The following RGS3 variants were observed in gnomAD, a reference collection of about 807,000 sequenced individuals.
RGS3 encodes the protein regulator of G-protein signalling 3.
RGS3 carries 80 observed loss-of-function variants against 132.6 expected under a neutral mutation model. The observed-to-expected ratio is 0.60, with a 90% CI of 0.50 to 0.73. The LOEUF (loss-of-function observed/expected upper bound fraction) is 0.73, where lower values mean the gene tolerates loss of function less well. Ranked by LOEUF, RGS3 falls within the 30% of genes least tolerant of loss-of-function variation. The pLI is 0.00. For synonymous variants in RGS3, 598 were observed against 620.6 expected (o/e 0.96, Z 0.54); for missense variants, 1,382 against 1,530.8 (o/e 0.90, Z 1.62).
chr9:113,572,497 G>A (rs4979257), intron 19 of RGS3, among the ~76,000 whole-genome samples: 124,789 of 151,904 alleles, frequency 0.82, 51,452 homozygotes, highest in East Asian at 1. Flanking sequence ...CAGTGTCCTC[G>A]AGTGAAAAAG....
chr9:113,564,051 C>G (rs967589973), intron 19 of RGS3, among the ~76,000 whole-genome samples: 1 of 152,178 alleles, frequency 6.6e-6, no homozygotes, highest in Non-Finnish European at 1.5e-5. Context: ...CCAACTTGGG[C>G]CTCAGGGACA....
chr9:113,514,573 G>A (rs1831558871), exon 15 of RGS3: 1 of 1,614,168 alleles, frequency 6.2e-7, no homozygotes, highest in Non-Finnish European at 8.5e-7. Flanking sequence ...GCCCGGTTGT[G>A]AGGCCGCATG....
chr9:113,506,340 G>T lies in RGS3; in HGVS notation c.980-48G>T, dbSNP rs761534075. The stretch of plus-strand genomic sequence containing the variant: ...CAAAGGACTCCAGATCCTTTGAAGG[G>T]GTCTTAGGCTTCAGGGGCCCCTGAA... On this transcript the variant is annotated intron_variant, in intron 11 of 24. Coordinates refer to ENST00000350696, the Ensembl canonical transcript of RGS3. This position sits in a 1 kb window ranked among gnomAD's most constrained non-coding sequence, Gnocchi z 4.7. 72 of 1,201,428 alleles carry T rather than the reference G, an allele frequency of 6.0e-5. No homozygotes were observed. Among genetic ancestry groups the T allele is most frequent in the Non-Finnish European group, 8.4e-5 (69 of 825,994 alleles). The allele number at this position is 1,201,428 out of a possible 1,614,324, so 74.4% of individuals were successfully genotyped here.
At chr9:113,515,171 C>G (rs1831592365) in intron 15 of RGS3, among the ~76,000 whole-genome samples, 2 of 152,174 alleles carry the variant, frequency 1.3e-5, no homozygotes. Flanking sequence ...GATAATGAAA[C>G]AAACAGCAAG....
At chr9:113,536,514 T>C in intron 18 of RGS3, 1 of 1,183,200 alleles carries the variant, frequency 8.5e-7, no homozygotes, top group South Asian at 2.1e-5. Flanking sequence ...ATCGGCTCTG[T>C]CCTGCTCTCC....
intron 1 of RGS3, among the ~76,000 whole-genome samples, chr9:113,454,298 C>T (rs1158343770): frequency 6.6e-6 from 1 of 151,998 alleles, no homozygotes; most frequent in East Asian, 1.9e-4. Flanking sequence ...TTCTGGGATG[C>T]AGTTAAGTTA....
intron 17 of RGS3, among the ~76,000 whole-genome samples, chr9:113,525,164 C>G (rs1832147314): frequency 6.6e-6 from 1 of 152,004 alleles, no homozygotes. Flanking sequence ...GTCTGCCTGC[C>G]CTGGATTTTT....
chr9:113,500,454 A>G (rs368751971), intron 10 of RGS3, among the ~76,000 whole-genome samples: 1 of 152,176 alleles, frequency 6.6e-6, no homozygotes. Flanking sequence ...GCTCTGCAGG[A>G]TGCTATCCTG....
At chr9:113,466,325 T>C (rs1829642428) in intron 3 of RGS3, among the ~76,000 whole-genome samples, 1 of 152,240 alleles carries the variant, frequency 6.6e-6, no homozygotes, top group African/African-American at 2.4e-5. Context: ...ATGAAGATGT[T>C]GCTTAGCTGG....
intron 4 of RGS3, among the ~76,000 whole-genome samples, chr9:113,482,534 C>T (rs564207131): frequency 9.2e-5 from 14 of 152,276 alleles, no homozygotes; most frequent in South Asian, 2.1e-4. Context: ...CACGGCACAC[C>T]GTGAGTGCCA....
intron 16 of RGS3, chr9:113,522,719 A>G: frequency 1.8e-6 from 1 of 570,344 alleles, no homozygotes; most frequent in South Asian, 2.1e-5. Flanking sequence ...GTGGAAGTAT[A>G]GGAAGCTGGA....
Position 113,463,613 on chromosome 9 carries a change from C to G in RGS3, c.415+1412C>G, listed in dbSNP as rs1276112006. The G allele has an allele frequency of 8.6e-7, 1 of 1,164,968 alleles. No individual in the cohort carries two copies. 72.2% of individuals were successfully genotyped at this position (1,164,968 alleles called of 1,614,324 possible). ...CCCCCACCCCGGCCCAGCTCTGCTC[C>G]GGCAGGTGGAACTCTCCCCATTCAA... On this transcript the variant is annotated intron_variant, in intron 3 of 24. Coordinates refer to ENST00000350696, the Ensembl canonical transcript of RGS3. The surrounding 1 kb of genome is among the most constrained non-coding windows in gnomAD (Gnocchi z 4.6).
At chr9:113,567,498 G>C (rs951333981) in intron 19 of RGS3, among the ~76,000 whole-genome samples, 1 of 152,326 alleles carries the variant, frequency 6.6e-6, no homozygotes, top group South Asian at 2.1e-4. Context: ...AGCTGTGTCC[G>C]CCCATCTCCT....
chr9:113,547,865 G>T (rs944182119), intron 19 of RGS3, among the ~76,000 whole-genome samples: 1 of 152,226 alleles, frequency 6.6e-6, no homozygotes, highest in Non-Finnish European at 1.5e-5. Context: ...CTAAGTGTTA[G>T]TGTGTTTCTG....
chr9:113,485,496 T>C (rs1476495668), intron 6 of RGS3, 129 bp from the exon 5 acceptor site: 1 of 636,876 alleles, frequency 1.6e-6, no homozygotes, highest in Non-Finnish European at 2.8e-6. Context: ...ACTTTATTTG[T>C]AATATAGTTT....
At chr9:113,594,888 C>T (rs773179582) in intron 22 of RGS3, 31 bp from the exon 21 acceptor site, 6 of 1,606,064 alleles carry the variant, frequency 3.7e-6, no homozygotes, top group Non-Finnish European at 8.5e-7. Context: ...CCTCTCAGTG[C>T]CCTCACTGTG....
intron 4 of RGS3, chr9:113,482,851 C>T (rs1830207722): frequency 1.5e-6 from 2 of 1,318,486 alleles, no homozygotes; most frequent in Admixed American, 5.7e-5. Context: ...GTGGGAATGG[C>T]CTAGACCAGA....
intron 7 of RGS3, among the ~76,000 whole-genome samples, chr9:113,490,075 G>A: frequency 6.6e-6 from 1 of 152,138 alleles, no homozygotes; most frequent in South Asian, 2.1e-4. Context: ...GTAGATTTTG[G>A]CTTAGCTTTG....
chr9:113,516,232 G>C (rs1831653294), intron 15 of RGS3, among the ~76,000 whole-genome samples: 1 of 152,212 alleles, frequency 6.6e-6, no homozygotes, highest in Non-Finnish European at 1.5e-5. Flanking sequence ...ATCTCTGGGA[G>C]CTCACACGCC....
Sources: gnomAD v4.1 joint callset for allele counts (sites outside exome capture counted in the v4.1 genomes callset) on GRCh38, gnomAD v4.1.1 for gene constraint, Gnocchi (gnomAD v3.1) non-coding constraint, MANE v1.5 for transcripts, NCBI Gene and HGNC (gene_info 2026-07-23, HGNC 2026-07-21) for gene names.